The following PARD3B variants were observed in gnomAD, a reference collection of about 807,000 sequenced individuals.
PARD3B encodes the protein par-3 family cell polarity regulator beta.
In PARD3B, 103 loss-of-function variants were observed where a neutral mutation model predicts 130.2. The ratio of observed to expected loss-of-function variants is 0.79; its 90% CI spans 0.67 to 0.93. The LOEUF is 0.93. PARD3B is among the 40% of genes least tolerant of loss of function. PARD3B has a pLI of 0.00. For missense variants in PARD3B, 1,609 were observed against 1,499.2 expected, an observed-to-expected ratio of 1.07 and a Z score of -1.21; for synonymous variants, 583 against 553.2, an observed-to-expected ratio of 1.05 and a Z score of -0.76.
intron 1 of PARD3B, among the ~76,000 whole-genome samples, chr2:204,637,522 C>T (rs985571673): frequency 1.3e-5 from 2 of 152,106 alleles, no homozygotes; most frequent in Non-Finnish European, 2.9e-5. Context: ...ACTAAATTCT[C>T]ATATTTTTAC....
chr2:204,589,964 T>G (rs2033005707), intron 1 of PARD3B, among the ~76,000 whole-genome samples: 3 of 152,174 alleles, frequency 2.0e-5, no homozygotes, highest in Admixed American at 2.0e-4. Flanking sequence ...CATTGATCGA[T>G]TACAATCAAG....
chr2:205,605,013 G>C (rs1188487795), intron 22 of PARD3B, among the ~76,000 whole-genome samples: 1 of 152,164 alleles, frequency 6.6e-6, no homozygotes, highest in Non-Finnish European at 1.5e-5. Context: ...ATTGATACTT[G>C]TGGTTGCACT....
chr2:204,958,444 G>A (rs995069176), intron 2 of PARD3B, among the ~76,000 whole-genome samples: 1 of 152,174 alleles, frequency 6.6e-6, no homozygotes, highest in South Asian at 2.1e-4. Flanking sequence ...GTACTGTATT[G>A]TCTAAGGGTT....
rs551346537 is a variant in PARD3B at position 204,832,117 on chromosome 2, T to C, written c.223-133035T>C. 2.9e-3 allele frequency among the ~76,000 whole-genome samples: 442 copies of C among 151,750 alleles called. 1 individual carries two copies. Among genetic ancestry groups the C allele is most frequent in the Non-Finnish European group, 4.6e-3 (309 of 67,906 alleles). On this transcript the variant is annotated intron_variant, in intron 2 of 22. Transcript: ENST00000406610. ...GGTGGGCGCCTGTAGTCCCAGCTAG[T>C]GGGGAGGCTGAGGCAGGAGAATGGC...
chr2:204,685,665 G>C (rs570112957), intron 1 of PARD3B, among the ~76,000 whole-genome samples: 1 of 152,214 alleles, frequency 6.6e-6, no homozygotes, highest in African/African-American at 2.4e-5. Context: ...ATATCTCAGA[G>C]TGAGGCTGCA....
chr2:204,692,674 G>A (rs1355436983), intron 2 of PARD3B, among the ~76,000 whole-genome samples: 1 of 152,028 alleles, frequency 6.6e-6, no homozygotes, highest in Non-Finnish European at 1.5e-5. Flanking sequence ...GTTCATGGGA[G>A]TTGATGTTAT....
rs1191430238 is a variant in PARD3B, at chr2:205,300,517, C to T, written c.2186-13C>T. 2 of 1,608,644 alleles carry T rather than the reference C, an allele frequency of 1.2e-6. No homozygotes were observed. Among genetic ancestry groups the T allele is most frequent in the East Asian group, 2.2e-5 (1 of 44,848 alleles). On this transcript the variant is annotated splice_polypyrimidine_tract_variant and intron_variant, in intron 16 of 22. Transcript: ENST00000406610. The surrounding 1 kb of genome is among the most constrained non-coding windows in gnomAD (Gnocchi z 4.1). ...ATTAGAAGAGGGGTGACCTTTTGCCCTTTCTTTTCCAGAATCTCCAAGCAA... is the reference window on the plus strand; with the variant it reads ...ATTAGAAGAGGGGTGACCTTTTGCCTTTTCTTTTCCAGAATCTCCAAGCAA...
chr2:205,577,929 T>C (rs2053821983), intron 22 of PARD3B, among the ~76,000 whole-genome samples: 1 of 152,242 alleles, frequency 6.6e-6, no homozygotes, highest in South Asian at 2.1e-4. Flanking sequence ...CATTTATTTC[T>C]GGAACATTGA....
In PARD3B at chr2:205,470,109, A is replaced by C. The variant is rs1409721100; in HGVS notation, c.3044+29437A>C. Among the ~76,000 whole-genome samples, 2 of 152,182 alleles carry C rather than the reference A, an allele frequency of 1.3e-5. No individual in the cohort carries two copies. On this transcript the variant is annotated intron_variant, in intron 20 of 22. Coordinates refer to ENST00000406610, the MANE Select transcript of PARD3B (RefSeq NM_001302769.2). This position sits in a 1 kb window ranked among gnomAD's most constrained non-coding sequence, Gnocchi z 4.8. Reference sequence around the variant, plus strand: ...TGTGCATCTTTCCTCACCTACAGACACACAGGGTGGAACTAAGTGATCTCA... The same window carrying C: ...TGTGCATCTTTCCTCACCTACAGACCCACAGGGTGGAACTAAGTGATCTCA...
Position 205,165,738 on chromosome 2 carries a change from T to C in PARD3B, c.1621-6473T>C, listed in dbSNP as rs561925710. On this transcript the variant is annotated intron_variant, in intron 11 of 22. Coordinates refer to ENST00000406610, the MANE Select transcript of PARD3B (RefSeq NM_001302769.2). ...TCTGTCTCAAAAATAAATAAATAAATAAATAAATAAATAAATAAATAAATA... is the reference window on the plus strand; with the variant it reads ...TCTGTCTCAAAAATAAATAAATAAACAAATAAATAAATAAATAAATAAATA... Among the ~76,000 whole-genome samples, 131 of 59,746 alleles carry C rather than the reference T, an allele frequency of 2.2e-3. 1 individual carries two copies. The highest frequency in any genetic ancestry group is 8.4e-3 in the Admixed American group (55 of 6,572). 39.2% of individuals were successfully genotyped at this position (59,746 alleles called of 152,430 possible). A position where few individuals can be genotyped will look rare whatever the true frequency, so the allele number is the denominator to read the frequency against.
intron 18 of PARD3B, among the ~76,000 whole-genome samples, chr2:205,344,562 G>A (rs1249453110): frequency 6.6e-6 from 1 of 152,132 alleles, no homozygotes; most frequent in Non-Finnish European, 1.5e-5. Flanking sequence ...CCTTGATTTT[G>A]TGTGTCTGAC....
chr2:204,729,992 CACACAA>C (rs1208717116), intron 2 of PARD3B, among the ~76,000 whole-genome samples: 79 of 117,250 alleles, frequency 6.7e-4, no homozygotes, highest in African/African-American at 8.9e-4. Context: ...GATACACACA[CACACAA>C]ACACACACAC....
chr2:205,495,037 C>G, intron 20 of PARD3B, among the ~76,000 whole-genome samples: 1 of 152,118 alleles, frequency 6.6e-6, no homozygotes, highest in East Asian at 1.9e-4. Flanking sequence ...GATGAACACT[C>G]ATTTTAAAAA....
chr2:205,217,005 T>C (rs2037949623), intron 15 of PARD3B, among the ~76,000 whole-genome samples: 1 of 144,938 alleles, frequency 6.9e-6, no homozygotes, highest in Non-Finnish European at 1.5e-5. Context: ...TCTTCAGCAA[T>C]CACATCCATG....
At chr2:204,856,131 C>T (rs2044926441) in intron 2 of PARD3B, among the ~76,000 whole-genome samples, 1 of 152,074 alleles carries the variant, frequency 6.6e-6, no homozygotes, top group African/African-American at 2.4e-5. Context: ...TACTGTTTCC[C>T]AAAATGGTTG....
chr2:204,860,565 AC>A (rs1327584691), intron 2 of PARD3B, among the ~76,000 whole-genome samples: 4 of 152,184 alleles, frequency 2.6e-5, no homozygotes, highest in African/African-American at 9.7e-5. Context: ...TATACAGAAA[AC>A]GTTTTGGCAG....
At chr2:204,642,188 G>A (rs928722175) in intron 1 of PARD3B, among the ~76,000 whole-genome samples, 1 of 152,180 alleles carries the variant, frequency 6.6e-6, no homozygotes, top group Non-Finnish European at 1.5e-5. Context: ...GCCTGTTTCT[G>A]TTTAATTATC....
chr2:204,775,822 G>A (rs759431507), intron 2 of PARD3B, among the ~76,000 whole-genome samples: 3 of 152,040 alleles, frequency 2.0e-5, no homozygotes, highest in Non-Finnish European at 2.9e-5. Flanking sequence ...CTGAGGAGAG[G>A]AATCAAATAA....
At chr2:205,275,837 CAAAAAAA>C (rs59238795) in intron 16 of PARD3B, among the ~76,000 whole-genome samples, 1 of 60,652 alleles carries the variant, frequency 1.6e-5, no homozygotes, top group Non-Finnish European at 3.1e-5. Context: ...AACTTTGTCT[CAAAAAAA>C]AAAAAAAAAA....
Sources: gnomAD v4.1 joint callset for allele counts (sites outside exome capture counted in the v4.1 genomes callset) on GRCh38, gnomAD v4.1.1 for gene constraint, Gnocchi (gnomAD v3.1) non-coding constraint, MANE v1.5 for transcripts, NCBI Gene and HGNC (gene_info 2026-07-23, HGNC 2026-07-21) for gene names.